Variants in LRRC61 observed in about 807,000 individuals in gnomAD.
LRRC61 encodes leucine-rich repeat-containing protein 61.
In LRRC61, 9 loss-of-function variants were observed where a neutral mutation model predicts 15.1. The ratio of observed to expected loss-of-function variants is 0.60; its 90% CI spans 0.36 to 1.04. The LOEUF is 1.04. Among genes scored for constraint, LRRC61 ranks in the 50% least tolerant of loss-of-function variants. The pLI is 0.01. For synonymous variants in LRRC61, 173 were observed against 158.6 expected (o/e 1.09, Z -0.68); for missense variants, 344 against 335.6 (o/e 1.03, Z -0.20).
At chr7:150,324,225 G>C (rs772109705) in intron 1 of LRRC61, 5 of 160,146 alleles carry the variant, frequency 3.1e-5, no homozygotes, top group Non-Finnish European at 5.5e-5. Context: ...CTGCCTGGTG[G>C]GGGTGGAGTA....
At chr7:150,324,555 T>C (rs1916932) in intron 1 of LRRC61, 46,449 of 152,176 alleles carry the variant, frequency 0.31, 7,574 homozygotes, top group East Asian at 0.42. Flanking sequence ...GCAATCAACA[T>C]GCCTGGCTCT....
upstream of LRRC61, among the ~76,000 whole-genome samples, chr7:150,321,246 G>C (rs991788240): frequency 6.6e-6 from 1 of 152,170 alleles, no homozygotes; most frequent in Non-Finnish European, 1.5e-5. Flanking sequence ...TGTTAAGCCT[G>C]ATTTTTTTGC....
At chr7:150,323,313 G>A (rs528295190), upstream of LRRC61, 8 of 261,248 alleles carry the variant, frequency 3.1e-5, no homozygotes, top group Admixed American at 3.6e-4. Context: ...AATCCAGAGC[G>A]CCCACTACGG....
chr7:150,337,617 C>T lies in LRRC61; in HGVS notation c.756C>T (p.Gly252=). The change falls in exon 3 of 3, where the codon GGC becomes GGT. Residue 252 remains glycine (G), a synonymous_variant. Coordinates refer to ENST00000359623, the MANE Select transcript of LRRC61 (RefSeq NM_001142928.2). The part of the protein sequence containing the change: ...AQAEQVLSSA[G]PTSSFVF ...CGGAGCAGGTACTCAGCTCTGCGGGCCCCACCTCTTCCTTCGTCTTCTGAA... is the reference window on the plus strand; with the variant it reads ...CGGAGCAGGTACTCAGCTCTGCGGGTCCCACCTCTTCCTTCGTCTTCTGAA... The T allele has an allele frequency of 6.5e-7, 1 of 1,532,310 alleles. No individual in the cohort carries two copies. Among genetic ancestry groups the T allele is most frequent in the Non-Finnish European group, 8.8e-7 (1 of 1,142,574 alleles). The allele number at this position is 1,532,310 out of a possible 1,614,324, so 94.9% of individuals were successfully genotyped here.
chr7:150,314,731 C>T, the LRRC61 span, among the ~76,000 whole-genome samples: 6 of 149,478 alleles, frequency 4.0e-5, no homozygotes, highest in Non-Finnish European at 8.9e-5. Flanking sequence ...TCCCTTGAGC[C>T]CAAGACCAGC....
At chr7:150,316,546 C>T in the LRRC61 span, among the ~76,000 whole-genome samples, 2 of 139,440 alleles carry the variant, frequency 1.4e-5, no homozygotes, top group Non-Finnish European at 3.0e-5. Flanking sequence ...AGTGCAGTGG[C>T]GCGATCTCAG....
the LRRC61 span, among the ~76,000 whole-genome samples, chr7:150,313,235 A>G: frequency 6.6e-6 from 1 of 152,168 alleles, no homozygotes; most frequent in Non-Finnish European, 1.5e-5. Flanking sequence ...AAATAGCCTT[A>G]CTGCTCACAC....
chr7:150,317,320 T>C, the LRRC61 span, among the ~76,000 whole-genome samples: 3 of 152,238 alleles, frequency 2.0e-5, no homozygotes, highest in Non-Finnish European at 4.4e-5. Flanking sequence ...CCCAAAGTGC[T>C]GGGATTACAG....
the LRRC61 span, among the ~76,000 whole-genome samples, chr7:150,310,162 A>G: frequency 1.3e-5 from 2 of 152,294 alleles, no homozygotes; most frequent in African/African-American, 2.4e-5. Flanking sequence ...CCTGGGCTAC[A>G]GCCACACCTC....
chr7:150,318,490 G>A (rs1000843393), upstream of LRRC61, among the ~76,000 whole-genome samples: 1 of 152,208 alleles, frequency 6.6e-6, no homozygotes, highest in Non-Finnish European at 1.5e-5. Context: ...GTTGCCAGTT[G>A]CGGTGGCTCA....
At chr7:150,311,642 A>C in the LRRC61 span, among the ~76,000 whole-genome samples, 5 of 152,072 alleles carry the variant, frequency 3.3e-5, no homozygotes, top group Middle Eastern at 3.2e-3. Context: ...TACACATAGC[A>C]TCTTCCCCCT....
chr7:150,320,007 G>A (rs1797337941), upstream of LRRC61, among the ~76,000 whole-genome samples: 1 of 152,196 alleles, frequency 6.6e-6, no homozygotes, highest in South Asian at 2.1e-4. Flanking sequence ...ATCCATCCCT[G>A]ACTGGTCTTT....
intron 1 of LRRC61, among the ~76,000 whole-genome samples, chr7:150,324,100 T>C (rs1797839863): frequency 6.6e-6 from 1 of 152,240 alleles, no homozygotes; most frequent in Non-Finnish European, 1.5e-5. Flanking sequence ...TGCTCTCCTC[T>C]TTTCCTTTCA....
In LRRC61 at chr7:150,330,418, A is replaced by G. The variant is rs1439864396; in HGVS notation, c.-145+4408A>G. 3 of 771,556 alleles carry G rather than the reference A, an allele frequency of 3.9e-6. No homozygotes were observed. Among genetic ancestry groups the G allele is most frequent in the Non-Finnish European group, 7.2e-6 (3 of 418,066 alleles). 47.8% of individuals were successfully genotyped at this position (771,556 alleles called of 1,614,324 possible). ...TAGCCCTTCCAGATGGTGGTCCGCG[A>G]GGCGAGTGCGGCACAGGCCTCTCTG... On this transcript the variant is annotated intron_variant, in intron 2 of 2. Coordinates refer to ENST00000359623, the MANE Select transcript of LRRC61 (RefSeq NM_001142928.2). The surrounding 1 kb of genome is among the most constrained non-coding windows in gnomAD (Gnocchi z 4.6).
Position 150,330,880 on chromosome 7 carries a change from C to A in LRRC61, c.-145+4870C>A, listed in dbSNP as rs898255761. On this transcript the variant is annotated intron_variant, in intron 2 of 2. Coordinates refer to ENST00000359623, the MANE Select transcript of LRRC61 (RefSeq NM_001142928.2). This position sits in a 1 kb window ranked among gnomAD's most constrained non-coding sequence, Gnocchi z 4.6. ...CTGCAGAGCAGCAGCCACTCTGGGG[C>A]CTTCCTGCTGGCCCAGAGGGAGAAG... is the stretch of plus-strand genomic sequence containing the variant. 13 of 1,610,766 alleles carry A rather than the reference C, an allele frequency of 8.1e-6. No homozygotes were observed. The highest frequency in any genetic ancestry group is 1.1e-5 in the Non-Finnish European group (13 of 1,178,286).
Position 150,337,656 on chromosome 7 carries a change from C to T in LRRC61, c.*15C>T, listed in dbSNP as rs1014677966. The T allele has an allele frequency of 1.3e-6, 2 of 1,518,836 alleles. No individual in the cohort carries two copies. Among genetic ancestry groups the T allele is most frequent in the Non-Finnish European group, 1.8e-6 (2 of 1,136,328 alleles). The allele number at this position is 1,518,836 out of a possible 1,614,324, so 94.1% of individuals were successfully genotyped here. A position where few individuals can be genotyped will look rare whatever the true frequency, so the allele number is the denominator to read the frequency against. The stretch of plus-strand genomic sequence containing the variant: ...TCGTCTTCTGAACGTGGCCTATGGC[C>T]CAGGACAGCCTGGCAGGTGGCCTCG... On this transcript the variant is annotated 3_prime_UTR_variant, in exon 3 of 3. Transcript: ENST00000359623.
intron 2 of LRRC61, among the ~76,000 whole-genome samples, chr7:150,336,186 C>A (rs557203152): frequency 1.3e-5 from 2 of 152,266 alleles, no homozygotes; most frequent in South Asian, 4.1e-4. Flanking sequence ...ACCAGCTGAC[C>A]CATATAATCT....
rs2129618263 is a variant in LRRC61 at position 150,330,409 on chromosome 7, T to C, written c.-145+4399T>C. 1.3e-6 allele frequency: 1 copy of C among 769,174 alleles called. No homozygotes were observed. The highest frequency in any genetic ancestry group is 2.4e-6 in the Non-Finnish European group (1 of 418,028). 47.6% of individuals were successfully genotyped at this position (769,174 alleles called of 1,614,324 possible). The stretch of plus-strand genomic sequence containing the variant: ...AAGCTCCTGTAGCCCTTCCAGATGG[T>C]GGTCCGCGAGGCGAGTGCGGCACAG... On this transcript the variant is annotated intron_variant, in intron 2 of 2. Transcript: ENST00000359623. This position sits in a 1 kb window ranked among gnomAD's most constrained non-coding sequence, Gnocchi z 4.6.
At chr7:150,311,604 C>G in the LRRC61 span, among the ~76,000 whole-genome samples, 5 of 152,224 alleles carry the variant, frequency 3.3e-5, no homozygotes. Flanking sequence ...CAGCACAAGT[C>G]CTGAGCCACA....
Sources: gnomAD v4.1 joint callset for allele counts (sites outside exome capture counted in the v4.1 genomes callset) on GRCh38, gnomAD v4.1.1 for gene constraint, Gnocchi (gnomAD v3.1) non-coding constraint, MANE v1.5 for transcripts, NCBI Gene and HGNC (gene_info 2026-07-23, HGNC 2026-07-21) for gene names.